The following VGLL4 variants were observed in gnomAD, a reference collection of about 807,000 sequenced individuals.
The protein encoded by VGLL4 is vestigial like family member 4.
A neutral mutation model predicts 21.0 loss-of-function variants in VGLL4; 7 were observed. The ratio of observed to expected loss-of-function variants is 0.33; its 90% CI spans 0.19 to 0.63. The LOEUF (loss-of-function observed/expected upper bound fraction) is 0.63. Ranked by LOEUF, VGLL4 falls within the 20% of genes least tolerant of loss-of-function variation. The pLI is 0.78. For synonymous variants in VGLL4, 222 were observed against 173.2 expected (o/e 1.28, Z -2.21); for missense variants, 394 against 425.7 (o/e 0.93, Z 0.66).
At position 11,564,809 on chromosome 3, in the gene VGLL4, C is replaced by T. The variant is rs1353138077; in HGVS notation, c.483G>A (p.Gly161=). The T allele has an allele frequency of 1.3e-6, 2 of 1,565,748 alleles. No individual in the cohort carries two copies. Among genetic ancestry groups the T allele is most frequent in the Non-Finnish European group, 1.7e-6 (2 of 1,158,300 alleles). ...PAGLSPTLTP[G]ERQQNRPSVI... ...GACAGAGGCCCACCTGCTGCCGCTCCCCCGGGGTCAGTGTGGGCGAGAGGC... is the reference window on the plus strand; with the variant it reads ...GACAGAGGCCCACCTGCTGCCGCTCTCCCGGGGTCAGTGTGGGCGAGAGGC... Residue 161 remains glycine, a synonymous_variant, in exon 3 of 5, where the codon GGG becomes GGA. Transcript: ENST00000430365.
chr3:11,580,889 C>T (rs1213410272), intron 2 of VGLL4, among the ~76,000 whole-genome samples: 1 of 152,146 alleles, frequency 6.6e-6, no homozygotes, highest in Admixed American at 6.6e-5. Context: ...TTATAAGCTA[C>T]ATATTTGTGG....
At chr3:11,588,425 C>G (rs2074409592) in intron 2 of VGLL4, among the ~76,000 whole-genome samples, 1 of 152,206 alleles carries the variant, frequency 6.6e-6, no homozygotes, top group Non-Finnish European at 1.5e-5. Context: ...TGCAGGCCCC[C>G]AGTTGGGCTG....
intron 2 of VGLL4, among the ~76,000 whole-genome samples, chr3:11,589,270 T>C (rs2074428186): frequency 6.6e-6 from 1 of 151,998 alleles, no homozygotes; most frequent in South Asian, 2.1e-4. Flanking sequence ...TCTCTAGAAA[T>C]AGCTATGGAG....
chr3:11,633,233 C>A (rs1289745407), intron 1 of VGLL4: 1 of 152,200 alleles, frequency 6.6e-6, no homozygotes, highest in Non-Finnish European at 1.5e-5. Context: ...GTGTGAAGAA[C>A]GAGTAGCTGC....
At chr3:11,584,460 T>TA (rs2074315361) in intron 2 of VGLL4, among the ~76,000 whole-genome samples, 1 of 151,988 alleles carries the variant, frequency 6.6e-6, no homozygotes, top group Non-Finnish European at 1.5e-5. Flanking sequence ...GAGAGACAGA[T>TA]GCATACAGCT....
chr3:11,711,109 A>G (rs1246081270), intron 1 of VGLL4, among the ~76,000 whole-genome samples: 1 of 151,130 alleles, frequency 6.6e-6, no homozygotes, highest in Non-Finnish European at 1.5e-5. Context: ...AAAAAAAAAA[A>G]AGAATTTAGA....
chr3:11,702,396 G>C (rs2076693079), intron 2 of VGLL4, among the ~76,000 whole-genome samples: 1 of 149,348 alleles, frequency 6.7e-6, no homozygotes, highest in African/African-American at 2.5e-5. Context: ...GATCATTTGA[G>C]GTCAGGAGTT....
At chr3:11,646,549 T>G (rs375853472), upstream of VGLL4, among the ~76,000 whole-genome samples, 3 of 151,164 alleles carry the variant, frequency 2.0e-5, no homozygotes, top group African/African-American at 7.3e-5. Context: ...TGCTTTCATC[T>G]AGGGAGGAAA....
At chr3:11,676,880 A>T (rs1164643720) in intron 2 of VGLL4, among the ~76,000 whole-genome samples, 1 of 152,236 alleles carries the variant, frequency 6.6e-6, no homozygotes, top group African/African-American at 2.4e-5. Flanking sequence ...GTAGCACTGT[A>T]AAATGGTTTA....
intron 1 of VGLL4, among the ~76,000 whole-genome samples, chr3:11,717,105 T>A (rs570297728): frequency 1.6e-4 from 24 of 151,944 alleles, no homozygotes; most frequent in African/African-American, 5.6e-4. Context: ...CCTTCTTGTT[T>A]GAGCTCTCAT....
intron 2 of VGLL4, among the ~76,000 whole-genome samples, chr3:11,675,489 C>T (rs547613147): frequency 1.4e-4 from 21 of 152,288 alleles, no homozygotes; most frequent in Middle Eastern, 3.4e-3. Context: ...CATAAACCAA[C>T]TCAGATGTGT....
chr3:11,587,581 G>A (rs1000897731), intron 2 of VGLL4, among the ~76,000 whole-genome samples: 1 of 152,212 alleles, frequency 6.6e-6, no homozygotes, highest in Non-Finnish European at 1.5e-5. Flanking sequence ...GGACTTTTTG[G>A]AAAAATTTGA....
intron 2 of VGLL4, among the ~76,000 whole-genome samples, chr3:11,578,816 C>T (rs1202550702): frequency 7.8e-6 from 1 of 127,520 alleles, no homozygotes; most frequent in Non-Finnish European, 1.6e-5. Flanking sequence ...GTGGCGTGAT[C>T]TCTGCTCATC....
intron 2 of VGLL4, chr3:11,693,020 A>C (rs1158626359): frequency 5.9e-6 from 1 of 170,260 alleles, no homozygotes; most frequent in Non-Finnish European, 1.3e-5. Flanking sequence ...AATACAAAAA[A>C]TTAGCTGGGT....
intron 2 of VGLL4, among the ~76,000 whole-genome samples, chr3:11,674,848 G>T (rs1413310855): frequency 6.6e-6 from 1 of 152,114 alleles, no homozygotes; most frequent in African/African-American, 2.4e-5. Context: ...AAGTAATAAG[G>T]GGGGGAAATG....
chr3:11,569,985 C>G (rs2073709282), intron 2 of VGLL4, among the ~76,000 whole-genome samples: 1 of 152,196 alleles, frequency 6.6e-6, no homozygotes, highest in Non-Finnish European at 1.5e-5. Context: ...AAGTGGTCAG[C>G]TGTATGCTCT....
rs556794319 is a variant in VGLL4 at position 11,577,169 on chromosome 3, T to C, written c.273-12150A>G. Among the ~76,000 whole-genome samples, 4 of 152,328 alleles carry C rather than the reference T, an allele frequency of 2.6e-5. No individual in the cohort carries two copies. In the South Asian group the frequency reaches 8.3e-4, roughly 32 times the overall value. On this transcript the variant is annotated intron_variant, in intron 2 of 4. Transcript: ENST00000430365. ...GCGCCAACCCCCTAGAAACGAGTGG[T>C]CTGAGGAGACCTTCTGCCATTCCCT...
intron 1 of VGLL4, among the ~76,000 whole-genome samples, chr3:11,625,692 G>A (rs1456875098): frequency 6.6e-6 from 1 of 150,612 alleles, no homozygotes; most frequent in Non-Finnish European, 1.5e-5. Context: ...CTTTATCCAG[G>A]AGCTAGTATT....
At chr3:11,667,318 G>C (rs1162847123) in intron 2 of VGLL4, among the ~76,000 whole-genome samples, 1 of 152,200 alleles carries the variant, frequency 6.6e-6, no homozygotes, top group Admixed American at 6.5e-5. Context: ...CGATTGCTGA[G>C]CTTTGCAATG....
Sources: allele counts gnomAD v4.1 joint callset (sites outside exome capture counted in the v4.1 genomes callset), GRCh38; gene constraint gnomAD v4.1.1; transcripts MANE v1.5; gene names NCBI Gene and HGNC (gene_info 2026-07-23, HGNC 2026-07-21).